ZMAT4: variants seen among roughly 807,000 people sequenced by gnomAD.
ZMAT4 encodes zinc finger matrin-type 4, also known as zinc finger matrin-type protein 4.
Under a neutral mutation model 28.7 loss-of-function variants are expected in ZMAT4, and 17 were observed. The ratio of observed to expected loss-of-function variants is 0.59; its 90% CI spans 0.41 to 0.89. ZMAT4 has a LOEUF of 0.89. Among genes scored for constraint, ZMAT4 ranks in the 40% least tolerant of loss-of-function variants. The probability of loss-of-function intolerance (pLI) is 0.00; values close to 1 mark genes in which losing one functional copy is unlikely to be tolerated. For missense variants in ZMAT4, 240 were observed against 283.8 expected (o/e 0.85, Z 1.11); for synonymous variants, 117 against 109.2 (o/e 1.07, Z -0.44).
intron 2 of ZMAT4, among the ~76,000 whole-genome samples, chr8:40,817,985 A>AAGTG (rs1467934635): frequency 3.3e-5 from 5 of 152,232 alleles, no homozygotes; most frequent in Non-Finnish European, 5.9e-5. Context: ...TCTGACTCCT[A>AAGTG]AAATCCACTA....
rs187681427 is a variant in ZMAT4, at chr8:40,571,638, T to G, written c.674+9527A>C. On this transcript the variant is annotated intron_variant, in intron 6 of 6. Coordinates refer to ENST00000297737, the MANE Select transcript of ZMAT4 (RefSeq NM_024645.3). ...GAAAGACTTGATGACACACCACAAG[T>G]CTTACTTTCAGGGAGAAGAGCTATT... Among the ~76,000 whole-genome samples, 34 of 152,188 alleles carry G rather than the reference T, an allele frequency of 2.2e-4. No individual in the cohort carries two copies. The East Asian group carries it at 6.4e-3, about 29-fold the overall frequency.
At chr8:40,574,534 C>T (rs1351269324) in intron 6 of ZMAT4, among the ~76,000 whole-genome samples, 1 of 152,082 alleles carries the variant, frequency 6.6e-6, no homozygotes, top group African/African-American at 2.4e-5. Flanking sequence ...CTAGTGGTGC[C>T]TGGCATTTGT....
chr8:40,682,134 G>A (rs962894384), intron 4 of ZMAT4, among the ~76,000 whole-genome samples: 1 of 152,070 alleles, frequency 6.6e-6, no homozygotes, highest in Admixed American at 6.6e-5. Flanking sequence ...GATCTGCTTT[G>A]TACTCATGGA....
chr8:40,636,047 G>A (rs1462412203), intron 5 of ZMAT4, among the ~76,000 whole-genome samples: 2 of 152,194 alleles, frequency 1.3e-5, no homozygotes, highest in African/African-American at 4.8e-5. Context: ...TGTAAGGTGT[G>A]TTGTGCAGAA....
intron 5 of ZMAT4, among the ~76,000 whole-genome samples, chr8:40,592,272 T>TG (rs1804920706): frequency 6.6e-6 from 1 of 152,172 alleles, no homozygotes; most frequent in African/African-American, 2.4e-5. Context: ...ATCTTACACT[T>TG]GCACAGTGAA....
intron 6 of ZMAT4, among the ~76,000 whole-genome samples, chr8:40,538,878 T>C (rs1456497868): frequency 2.6e-5 from 4 of 152,112 alleles, no homozygotes; most frequent in African/African-American, 4.8e-5. Flanking sequence ...CTCTGCCTCC[T>C]GGGTTCGAGC....
intron 1 of ZMAT4, among the ~76,000 whole-genome samples, chr8:40,866,174 C>T (rs576879211): frequency 6.6e-6 from 1 of 152,360 alleles, no homozygotes; most frequent in East Asian, 1.9e-4. Context: ...GTATCTATCA[C>T]TAAACCAGGG....
At chr8:40,616,507 C>G (rs1298543225) in intron 5 of ZMAT4, among the ~76,000 whole-genome samples, 2 of 152,088 alleles carry the variant, frequency 1.3e-5, no homozygotes, top group Non-Finnish European at 2.9e-5. Flanking sequence ...CAATGATAGA[C>G]TGGATTAAGA....
intron 3 of ZMAT4, among the ~76,000 whole-genome samples, chr8:40,742,782 C>CACACACAA (rs1554549415): frequency 4.9e-5 from 1 of 20,582 alleles, no homozygotes; most frequent in Non-Finnish European, 9.6e-5. Flanking sequence ...CACACACACA[C>CACACACAA]ACACACACAC....
chr8:40,716,299 G>A (rs1487406428), intron 3 of ZMAT4, among the ~76,000 whole-genome samples: 1 of 152,168 alleles, frequency 6.6e-6, no homozygotes, highest in African/African-American at 2.4e-5. Context: ...ATATGGGGAG[G>A]GGATCAAGCC....
intron 5 of ZMAT4, among the ~76,000 whole-genome samples, chr8:40,659,815 A>C (rs890219869): frequency 2.6e-5 from 4 of 152,306 alleles, no homozygotes; most frequent in Non-Finnish European, 5.9e-5. Context: ...TTAGTAGGAA[A>C]AGCAGGACTC....
At chr8:40,629,423 T>C (rs1449297657) in intron 5 of ZMAT4, among the ~76,000 whole-genome samples, 1 of 151,870 alleles carries the variant, frequency 6.6e-6, no homozygotes, top group African/African-American at 2.4e-5. Flanking sequence ...ATTATTATTA[T>C]ACTTTAAGTT....
At chr8:40,661,155 C>T (rs1808176693) in intron 5 of ZMAT4, among the ~76,000 whole-genome samples, 1 of 152,168 alleles carries the variant, frequency 6.6e-6, no homozygotes, top group Non-Finnish European at 1.5e-5. Flanking sequence ...GGCCAGAGTG[C>T]AGTGGCACAA....
intron 2 of ZMAT4, among the ~76,000 whole-genome samples, chr8:40,801,352 A>AATATATATATATATATATATATG (rs774919666): frequency 6.9e-5 from 5 of 72,146 alleles, no homozygotes; most frequent in African/African-American, 2.3e-4. Flanking sequence ...AAAAAAAAAA[A>AATATATATATATATATATATATG]TATATATATA....
rs996033358 is a variant in ZMAT4, at chr8:40,548,388, A to T, written c.675-16150T>A. ...GGTGATTTTTAAAATGCTATTTTGA[A>T]AGCTTCTTCACATTCCACAGAATCA... On this transcript the variant is annotated intron_variant, in intron 6 of 6. Transcript: ENST00000297737. 7.9e-5 allele frequency among the ~76,000 whole-genome samples: 12 copies of T among 152,164 alleles called. 1 individual carries two copies. Among genetic ancestry groups the T allele is most frequent in the Admixed American group, 5.2e-4 (8 of 15,278 alleles).
intron 1 of ZMAT4, among the ~76,000 whole-genome samples, chr8:40,876,504 T>G (rs1350946058): frequency 1.3e-5 from 2 of 152,086 alleles, no homozygotes; most frequent in African/African-American, 4.8e-5. Flanking sequence ...TTTGTAGAGA[T>G]GAGGTCTCGC....
chr8:40,802,606 A>G (rs1184794495), intron 2 of ZMAT4, among the ~76,000 whole-genome samples: 2 of 152,174 alleles, frequency 1.3e-5, no homozygotes, highest in African/African-American at 4.8e-5. Context: ...ATGGATAGAA[A>G]GACTCAAGAT....
intron 1 of ZMAT4, among the ~76,000 whole-genome samples, chr8:40,849,945 G>A (rs72641592): frequency 0.076 from 10,646 of 139,164 alleles, 551 homozygotes; most frequent in South Asian, 0.14. Flanking sequence ...CATTCACCCC[G>A]CTGCTCAGAA....
chr8:40,756,777 C>G (rs1390636303), intron 3 of ZMAT4, among the ~76,000 whole-genome samples: 1 of 151,706 alleles, frequency 6.6e-6, no homozygotes, highest in Non-Finnish European at 1.5e-5. Flanking sequence ...TTCCTGTGAG[C>G]CTCTGTCTAT....
Sources: gnomAD v4.1 joint callset for allele counts (sites outside exome capture counted in the v4.1 genomes callset) on GRCh38, gnomAD v4.1.1 for gene constraint, MANE v1.5 for transcripts, NCBI Gene and HGNC (gene_info 2026-07-23, HGNC 2026-07-21) for gene names.